USP25: variants seen among roughly 807,000 people sequenced by gnomAD.
USP25 encodes ubiquitin specific peptidase 25, also known as ubiquitin carboxyl-terminal hydrolase 25.
In USP25, 85 loss-of-function variants were observed where a neutral mutation model predicts 158.5. That is an observed-to-expected ratio of 0.54 (90% CI 0.45 to 0.64). The LOEUF (loss-of-function observed/expected upper bound fraction) is 0.64, where lower values mean the gene tolerates loss of function less well. Ranked by LOEUF, USP25 falls within the 30% of genes least tolerant of loss-of-function variation. The probability of loss-of-function intolerance (pLI) is 0.00; values close to 1 mark genes in which losing one functional copy is unlikely to be tolerated. For missense variants in USP25, 1,242 were observed against 1,327.3 expected (o/e 0.94, Z 1.00); for synonymous variants, 464 against 460.4 (o/e 1.01, Z -0.10).
intron 4 of USP25, among the ~76,000 whole-genome samples, chr21:15,784,399 C>G (rs2035157482): frequency 1.3e-5 from 2 of 151,940 alleles, no homozygotes; most frequent in Admixed American, 6.6e-5. Context: ...GTGGAGAAAC[C>G]CCGTCTCCAC....
Position 15,818,815 on chromosome 21 carries a change from A to G in USP25, c.1049A>G (p.His350Arg), listed in dbSNP as rs748246824. The change falls in exon 10 of 26, where the codon CAT (histidine) becomes CGT (arginine). Residue 350 changes from histidine (H) to arginine (R), a missense_variant. Physicochemically the swap from His to Arg is conservative, Grantham distance 29. Around this residue, in one of 3 missense-constraint regions of USP25, gnomAD observed 627 missense variants for 701.4 expected, o/e 0.89. Transcript: ENST00000400183. Reference sequence around the variant, plus strand: ...ATTGAAGGAGAAATTGAGTCTTTACATTCAGAGAATTCAGGAAAATCAGGC... The same window carrying G: ...ATTGAAGGAGAAATTGAGTCTTTACGTTCAGAGAATTCAGGAAAATCAGGC... ...AMIEGEIESL[H>R]SENSGKSGQE... 12 of 1,613,732 alleles carry G rather than the reference A, an allele frequency of 7.4e-6. No homozygotes were observed. Among genetic ancestry groups the G allele is most frequent in the Non-Finnish European group, 1.0e-5 (12 of 1,179,790 alleles).
rs145705871 is a variant in USP25 at position 15,746,068 on chromosome 21, C to T, written c.45+15630C>T. On this transcript the variant is annotated intron_variant, in intron 1 of 25. Coordinates refer to ENST00000400183, the MANE Select transcript of USP25 (RefSeq NM_001283041.3). ...GTTCCTTTCTATCCTTATGTGGTGC[C>T]GTTCTTTCTTGATTACTGTGGCTTT... 7.1e-3 allele frequency among the ~76,000 whole-genome samples: 1,077 copies of T among 152,268 alleles called. 7 individuals carry two copies. The highest frequency in any genetic ancestry group is 0.01 in the Middle Eastern group (3 of 294).
intron 22 of USP25, 124 bp from the exon 23 acceptor site, chr21:15,869,944 C>T (rs1439018117): frequency 2.5e-5 from 15 of 608,808 alleles, no homozygotes; most frequent in Non-Finnish European, 3.7e-5. Flanking sequence ...GATGTATCTT[C>T]ATTTTGAACT....
At chr21:15,807,239 T>C (rs2036436794) in intron 7 of USP25, among the ~76,000 whole-genome samples, 1 of 152,238 alleles carries the variant, frequency 6.6e-6, no homozygotes. Flanking sequence ...CAATTGATAC[T>C]GTCAATTTTA....
At chr21:15,876,743 C>G (rs1379740597) in intron 24 of USP25, 1 of 152,196 alleles carries the variant, frequency 6.6e-6, no homozygotes, top group Non-Finnish European at 1.5e-5. Context: ...AAAGCCTAAC[C>G]ATATCAATTG....
At chr21:15,819,859 TC>T (rs71807014) in intron 10 of USP25, among the ~76,000 whole-genome samples, 30,262 of 151,604 alleles carry the variant, frequency 0.2, 4,699 homozygotes, top group African/African-American at 0.44. Flanking sequence ...TTTTTCCTCT[TC>T]CCCCCCACAT....
intron 10 of USP25, among the ~76,000 whole-genome samples, chr21:15,823,418 A>G (rs1185513182): frequency 6.6e-6 from 1 of 152,110 alleles, no homozygotes; most frequent in African/African-American, 2.4e-5. Flanking sequence ...GCTCATAGCA[A>G]TGAGACATTC....
chr21:15,770,269 A>G (rs1022728771), intron 3 of USP25, among the ~76,000 whole-genome samples: 1 of 152,130 alleles, frequency 6.6e-6, no homozygotes, highest in Non-Finnish European at 1.5e-5. Context: ...ACTCACAGAA[A>G]GTCAAGATGA....
chr21:15,830,654 T>G, intron 15 of USP25, 53 bp downstream of exon 15: 1 of 1,369,098 alleles, frequency 7.3e-7, no homozygotes, highest in South Asian at 1.4e-5. Flanking sequence ...ACATATATTT[T>G]AATTTACCTT....
At chr21:15,819,024 T>A (rs1006846981) in intron 10 of USP25, among the ~76,000 whole-genome samples, 178 bp downstream of exon 10, 3 of 152,208 alleles carry the variant, frequency 2.0e-5, no homozygotes, top group Non-Finnish European at 4.4e-5. Flanking sequence ...CAATATGGCC[T>A]ATAATCTATG....
intron 24 of USP25, 85 bp downstream of exon 24, chr21:15,874,611 C>T: frequency 7.4e-7 from 1 of 1,356,560 alleles, no homozygotes; most frequent in Non-Finnish European, 9.9e-7. Flanking sequence ...TGATTGACTC[C>T]ATAAACTCTG....
rs139581416 is a variant in USP25 at position 15,880,003 on chromosome 21, A to C, written c.*1528A>C. The C allele has an allele frequency of 2.4e-3, 361 of 152,352 alleles. No homozygotes were observed. Among genetic ancestry groups the C allele is most frequent in the African/African-American group, 8.3e-3 (344 of 41,584 alleles). 9.4% of individuals were successfully genotyped at this position (152,352 alleles called of 1,614,324 possible). A position where few individuals can be genotyped will look rare whatever the true frequency, so the allele number is the denominator to read the frequency against. On this transcript the variant is annotated 3_prime_UTR_variant, in exon 26 of 26. Coordinates refer to ENST00000400183, the MANE Select transcript of USP25 (RefSeq NM_001283041.3). ...GTCCTGTTAAAAGTTTAGAAACTTCATATGTGTCATCACAGCTTTTGTAAA... is the reference window on the plus strand; with the variant it reads ...GTCCTGTTAAAAGTTTAGAAACTTCCTATGTGTCATCACAGCTTTTGTAAA...
rs751819809 is a variant in USP25, at chr21:15,831,482, C to T, written c.1846C>T (p.Arg616Cys). ...CTACTGGGCATATATTTTTGATCAT[C>T]GTGAAAGCAGATGGATGAAGTACAA... is the stretch of plus-strand genomic sequence containing the variant. ...GHYWAYIFDH[R>C]ESRWMKYNDI... Residue 616 changes from arginine to cysteine, a missense_variant, in exon 16 of 26, where the codon CGT becomes TGT. Arg to Cys is a radical substitution (Grantham distance 180). Coordinates refer to ENST00000400183, the MANE Select transcript of USP25 (RefSeq NM_001283041.3). 1.2e-6 allele frequency: 2 copies of T among 1,613,970 alleles called. No homozygotes were observed. Among genetic ancestry groups the T allele is most frequent in the Non-Finnish European group, 1.7e-6 (2 of 1,179,962 alleles).
rs750766034 is a variant in USP25, at chr21:15,870,158, G to A, written c.2885+11G>A. 3 of 1,593,004 alleles carry A rather than the reference G, an allele frequency of 1.9e-6. No individual in the cohort carries two copies. The highest frequency in any genetic ancestry group is 2.6e-6 in the Non-Finnish European group (3 of 1,166,860). On this transcript the variant is annotated intron_variant, in intron 23 of 25. Transcript: ENST00000400183. ...TTTTCAAAGAGAAAGGTAAGGCAAA[G>A]TGGACAAATATGAAAAGAGCATAAT...
intron 22 of USP25, among the ~76,000 whole-genome samples, chr21:15,869,611 T>G (rs2039802050): frequency 6.6e-6 from 1 of 152,200 alleles, no homozygotes; most frequent in African/African-American, 2.4e-5. Context: ...TTTGCGAAGT[T>G]AAAAGGTTAA....
chr21:15,840,766 A>G (rs2038294943), intron 17 of USP25, among the ~76,000 whole-genome samples: 1 of 152,230 alleles, frequency 6.6e-6, no homozygotes, highest in Non-Finnish European at 1.5e-5. Context: ...TCTAGGTTTC[A>G]GTGGGTCATT....
intron 9 of USP25, among the ~76,000 whole-genome samples, chr21:15,817,232 A>C (rs2036988458): frequency 6.6e-6 from 1 of 151,256 alleles, no homozygotes; most frequent in South Asian, 2.1e-4. Context: ...GAATTCTGTT[A>C]TTCTTGATAT....
intron 5 of USP25, among the ~76,000 whole-genome samples, chr21:15,797,069 T>G (rs1409341806): frequency 1.3e-5 from 2 of 151,502 alleles, no homozygotes; most frequent in East Asian, 3.9e-4. Flanking sequence ...ATTAGCCAAC[T>G]GGTAAATTAA....
intron 17 of USP25, among the ~76,000 whole-genome samples, chr21:15,841,086 T>A (rs1362865896): frequency 1.3e-5 from 2 of 152,198 alleles, no homozygotes; most frequent in Non-Finnish European, 2.9e-5. Flanking sequence ...TTCTTTTAAC[T>A]TCTCTCCTTC....
Sources: gnomAD v4.1 joint callset for allele counts (sites outside exome capture counted in the v4.1 genomes callset) on GRCh38, gnomAD v4.1.1 for gene constraint, gnomAD v4.1.1 regional missense constraint, MANE v1.5 for transcripts, NCBI Gene and HGNC (gene_info 2026-07-23, HGNC 2026-07-21) for gene names.